Variants in PRDM16 observed in about 807,000 individuals in gnomAD.
PRDM16 encodes PR/SET domain 16.
In PRDM16, 23 loss-of-function variants were observed where a neutral mutation model predicts 110.6. The observed-to-expected ratio is 0.21, with a 90% confidence interval of 0.15 to 0.29. PRDM16 has a LOEUF of 0.29. PRDM16 is among the 10% of genes least tolerant of loss of function. PRDM16 has a pLI of 1.00. For missense variants in PRDM16, 1,615 were observed against 1,794.3 expected (o/e 0.90, Z 1.81); for synonymous variants, 799 against 781.8 (o/e 1.02, Z -0.37).
At chr1:3,093,069 A>G (rs892728534) in intron 1 of PRDM16, among the ~76,000 whole-genome samples, 1 of 152,138 alleles carries the variant, frequency 6.6e-6, no homozygotes, top group Non-Finnish European at 1.5e-5. Context: ...ACCGCCCTCA[A>G]TAGTAACTTC....
At position 3,326,045 on chromosome 1, in the gene PRDM16, G is replaced by A. The variant is rs560048707; in HGVS notation, c.439-59107G>A. 3.4e-5 allele frequency among the ~76,000 whole-genome samples: 2 copies of A among 58,504 alleles called. 1 individual carries two copies. Among genetic ancestry groups the A allele is most frequent in the South Asian group, 1.2e-3 (2 of 1,686 alleles). 38.4% of individuals were successfully genotyped at this position (58,504 alleles called of 152,430 possible). ...TCCTTGGCCCTCCTTGGCCATCCTC[G>A]GCCCTCTTGGCCCCCCTTGGCCATC... is the stretch of plus-strand genomic sequence containing the variant. On this transcript the variant is annotated intron_variant, in intron 3 of 16. Transcript: ENST00000270722.
chr1:3,332,445 G>A (rs1433873268), intron 3 of PRDM16, among the ~76,000 whole-genome samples: 2 of 152,122 alleles, frequency 1.3e-5, no homozygotes, highest in African/African-American at 4.8e-5. Flanking sequence ...GAGCGGTGGG[G>A]GGGCGTGGCC....
At chr1:3,301,472 G>A (rs185913446) in intron 3 of PRDM16, among the ~76,000 whole-genome samples, 1 of 152,262 alleles carries the variant, frequency 6.6e-6, no homozygotes. Context: ...GTTAGATTTG[G>A]TCATTTTAAG....
intron 1 of PRDM16, among the ~76,000 whole-genome samples, chr1:3,079,796 A>G (rs1421544115): frequency 6.6e-6 from 1 of 152,100 alleles, no homozygotes; most frequent in East Asian, 1.9e-4. Context: ...GTCTGTGTAC[A>G]ACACACACAC....
At chr1:3,235,977 A>G (rs1463146882) in intron 2 of PRDM16, among the ~76,000 whole-genome samples, 1 of 152,094 alleles carries the variant, frequency 6.6e-6, no homozygotes, top group Non-Finnish European at 1.5e-5. Flanking sequence ...GGAATGGCCC[A>G]AGCATTCTGG....
chr1:3,222,595 C>T (rs1394020204), intron 2 of PRDM16, among the ~76,000 whole-genome samples: 1 of 152,214 alleles, frequency 6.6e-6, no homozygotes, highest in East Asian at 1.9e-4. Context: ...AGGCCTCATG[C>T]ACCAGCTACC....
intron 2 of PRDM16, among the ~76,000 whole-genome samples, chr1:3,217,602 G>T (rs776937510): frequency 6.6e-6 from 1 of 152,224 alleles, no homozygotes; most frequent in Non-Finnish European, 1.5e-5. Flanking sequence ...AGTCTACGGC[G>T]AGGGTGAGGG....
At chr1:3,212,863 C>T (rs1173590023) in intron 2 of PRDM16, among the ~76,000 whole-genome samples, 1 of 152,224 alleles carries the variant, frequency 6.6e-6, no homozygotes, top group Non-Finnish European at 1.5e-5. Context: ...TTTAAGTACC[C>T]ACCTGGCGAG....
At chr1:3,234,415 G>C (rs547645505) in intron 2 of PRDM16, among the ~76,000 whole-genome samples, 1 of 152,144 alleles carries the variant, frequency 6.6e-6, no homozygotes, top group East Asian at 1.9e-4. Context: ...AGGCTGCCCC[G>C]GCCAGGCCAC....
At chr1:3,283,162 G>A (rs1317604289) in intron 3 of PRDM16, among the ~76,000 whole-genome samples, 1 of 152,140 alleles carries the variant, frequency 6.6e-6, no homozygotes, top group African/African-American at 2.4e-5. Flanking sequence ...GTGGGAACTG[G>A]CCAGCCAGCC....
chr1:3,307,272 C>T (rs900256329), intron 3 of PRDM16: 7 of 152,206 alleles, frequency 4.6e-5, no homozygotes, highest in African/African-American at 1.7e-4. Context: ...ATAGTGGCTG[C>T]ACCATGTCAC....
At chr1:3,149,647 T>C (rs778081933) in intron 1 of PRDM16, among the ~76,000 whole-genome samples, 6 of 152,214 alleles carry the variant, frequency 3.9e-5, no homozygotes, top group Non-Finnish European at 5.9e-5. Flanking sequence ...TTGTGAAGCC[T>C]CAGGCAGCCC....
chr1:3,177,943 C>T (rs1644107979), intron 1 of PRDM16, among the ~76,000 whole-genome samples: 1 of 152,204 alleles, frequency 6.6e-6, no homozygotes, highest in South Asian at 2.1e-4. Context: ...CTGCCTCTTT[C>T]AGAGCAGGCC....
chr1:3,413,599 G>A (rs1157630338), intron 9 of PRDM16, among the ~76,000 whole-genome samples: 1 of 152,180 alleles, frequency 6.6e-6, no homozygotes, highest in Non-Finnish European at 1.5e-5. Context: ...ACAGGCAGGA[G>A]ACCCTGAGCA....
At chr1:3,192,269 G>C (rs1282099311) in intron 2 of PRDM16, among the ~76,000 whole-genome samples, 1 of 152,200 alleles carries the variant, frequency 6.6e-6, no homozygotes, top group African/African-American at 2.4e-5. Flanking sequence ...GTAGCTTTTG[G>C]AGCTGGCTGT....
At chr1:3,405,835 T>C (rs1014249683) in intron 8 of PRDM16, among the ~76,000 whole-genome samples, 187 bp downstream of exon 8, 1 of 152,124 alleles carries the variant, frequency 6.6e-6, no homozygotes, top group Non-Finnish European at 1.5e-5. Context: ...ACCCTCTGAG[T>C]TTGTCCCTCA....
At chr1:3,352,967 CG>C (rs1343489640) in intron 3 of PRDM16, among the ~76,000 whole-genome samples, 7 of 152,198 alleles carry the variant, frequency 4.6e-5, no homozygotes, top group Non-Finnish European at 1.5e-5. Flanking sequence ...CTGCAGGCTT[CG>C]GGGCCCATGC....
chr1:3,160,664 AC>A (rs1643890235), intron 1 of PRDM16, among the ~76,000 whole-genome samples: 2 of 152,100 alleles, frequency 1.3e-5, no homozygotes, highest in African/African-American at 2.4e-5. Context: ...CTGCCCTAGA[AC>A]CCCGTCTGGG....
intron 1 of PRDM16, among the ~76,000 whole-genome samples, chr1:3,083,334 C>T (rs1428596496): frequency 2.6e-5 from 4 of 152,186 alleles, no homozygotes; most frequent in Non-Finnish European, 4.4e-5. Flanking sequence ...GACTGGGCGG[C>T]GCGCTCATTT....
Sources: allele counts gnomAD v4.1 joint callset (sites outside exome capture counted in the v4.1 genomes callset), GRCh38; gene constraint gnomAD v4.1.1; transcripts MANE v1.5; gene names NCBI Gene and HGNC (gene_info 2026-07-23, HGNC 2026-07-21).